The following EDA variants were observed in gnomAD, a reference collection of about 807,000 sequenced individuals.
EDA encodes the protein ectodysplasin-A.
EDA carries 2 observed loss-of-function variants against 23.6 expected under a neutral mutation model. The ratio of observed to expected loss-of-function variants is 0.08; its 90% CI spans 0.03 to 0.27. The LOEUF (loss-of-function observed/expected upper bound fraction) is 0.27. EDA is among the 10% of genes least tolerant of loss of function. EDA has a pLI of 1.00. For synonymous variants in EDA, 131 were observed against 132.0 expected (o/e 0.99, Z 0.05); for missense variants, 229 against 324.2 (o/e 0.71, Z 2.26).
chrX:69,941,938 A>G (rs1483458362), intron 1 of EDA, among the ~76,000 whole-genome samples: 1 of 110,597 alleles, frequency 9.0e-6, no homozygotes, highest in Admixed American at 9.7e-5. Flanking sequence ...TTTTTTGTGT[A>G]TCTGTTGTAC....
intron 1 of EDA, among the ~76,000 whole-genome samples, chrX:69,882,105 T>A (rs1458985593): frequency 3.6e-5 from 4 of 111,703 alleles, no homozygotes; most frequent in Admixed American, 1.9e-4. Context: ...TTGGGATTGA[T>A]GCAATTGTTT....
chrX:69,786,955 C>A (rs1389879809), intron 1 of EDA, among the ~76,000 whole-genome samples: 5 of 101,175 alleles, frequency 4.9e-5, no homozygotes, highest in Non-Finnish European at 1.0e-4. Context: ...TCAGGACTTG[C>A]TTTATGAATC....
rs2014232317 is a variant in EDA, at chrX:69,759,512, G to A, written c.396+142808G>A. Among the ~76,000 whole-genome samples the A allele has an allele frequency of 1.8e-5, 2 of 111,862 alleles. 1 individual carries two copies. Among genetic ancestry groups the A allele is most frequent in the South Asian group, 7.5e-4 (2 of 2,659 alleles). ...TGAAATGAAGTCACGTGACTCAGTG[G>A]ATAATTCCAGTGAAACCCAGGAAGA... is the stretch of plus-strand genomic sequence containing the variant. On this transcript the variant is annotated intron_variant, in intron 1 of 7. Coordinates refer to ENST00000374552, the MANE Select transcript of EDA (RefSeq NM_001399.5).
intron 1 of EDA, among the ~76,000 whole-genome samples, chrX:69,628,941 C>T (rs138416200): frequency 7.2e-5 from 8 of 111,102 alleles, no homozygotes; most frequent in Non-Finnish European, 1.5e-4. Context: ...TTACCTCACT[C>T]CTACAGTGGT....
At chrX:69,782,528 G>A (rs1275071729) in intron 1 of EDA, among the ~76,000 whole-genome samples, 5 of 111,566 alleles carry the variant, frequency 4.5e-5, no homozygotes, top group Non-Finnish European at 9.4e-5. Context: ...AGGCACATTA[G>A]TGCTGCTTTG....
chrX:69,649,467 T>C (rs1044300794), intron 1 of EDA, among the ~76,000 whole-genome samples: 12 of 112,302 alleles, frequency 1.1e-4, no homozygotes, highest in African/African-American at 3.9e-4. Flanking sequence ...AGGGCTATTA[T>C]TTCTTTACTT....
intron 2 of EDA, among the ~76,000 whole-genome samples, chrX:69,971,609 G>T (rs760337941): frequency 9.0e-6 from 1 of 111,716 alleles, no homozygotes; most frequent in Admixed American, 9.5e-5. Context: ...AGATCCAGCT[G>T]TAGGCTTCAT....
chrX:70,038,610 G>A lies in EDA; in HGVS notation c.*3001G>A, dbSNP rs1602627342. On this transcript the variant is annotated 3_prime_UTR_variant, in exon 8 of 8. Coordinates refer to ENST00000374552, the MANE Select transcript of EDA (RefSeq NM_001399.5). ...GAGGCTGCTCGGCTACTGGTTACCT[G>A]GAGAAGTAGTATTTGCCTATTTCCC... 1.8e-5 allele frequency: 2 copies of A among 111,525 alleles called. No individual in the cohort carries two copies. The highest frequency in any genetic ancestry group is 9.5e-5 in the Admixed American group (1 of 10,490). 9.2% of individuals were successfully genotyped at this position (111,525 alleles called of 1,213,427 possible).
intron 1 of EDA, among the ~76,000 whole-genome samples, chrX:69,657,394 A>G (rs768488754): frequency 1.1e-4 from 12 of 111,778 alleles, no homozygotes; most frequent in Non-Finnish European, 1.7e-4. Flanking sequence ...TGTTGGATGC[A>G]TATTTTGCAG....
At chrX:69,734,198 TTGTC>T (rs2013161238) in intron 1 of EDA, among the ~76,000 whole-genome samples, 1 of 111,633 alleles carries the variant, frequency 9.0e-6, no homozygotes, top group Non-Finnish European at 1.9e-5. Context: ...ATTTGTCCAT[TTGTC>T]TGAGTTGTCA....
chrX:69,952,813 A>G (rs374081142), intron 1 of EDA, among the ~76,000 whole-genome samples: 1 of 111,868 alleles, frequency 8.9e-6, no homozygotes, highest in African/African-American at 3.2e-5. Flanking sequence ...ATACAAGAGT[A>G]TCTTTTCCTA....
chrX:69,627,267 T>G (rs771426778), intron 1 of EDA, among the ~76,000 whole-genome samples: 1 of 111,548 alleles, frequency 9.0e-6, no homozygotes, highest in African/African-American at 3.3e-5. Flanking sequence ...TCGCTTTCCC[T>G]TTTTTCCTCT....
chrX:69,639,827 A>G lies in EDA; in HGVS notation c.396+23123A>G, dbSNP rs750791629. On this transcript the variant is annotated intron_variant, in intron 1 of 7. Coordinates refer to ENST00000374552, the MANE Select transcript of EDA (RefSeq NM_001399.5). ...TTTGGTATCATATCAAGAAATCTTG[A>G]AAAATCCAATTTCATGAAGTTTTTC... Among the ~76,000 whole-genome samples the G allele has an allele frequency of 1.4e-4, 16 of 112,001 alleles. No individual in the cohort carries two copies. The East Asian group carries it at 4.2e-3, about 29-fold the overall frequency.
chrX:69,731,733 T>G (rs975136091), intron 1 of EDA, among the ~76,000 whole-genome samples: 1 of 111,983 alleles, frequency 8.9e-6, no homozygotes, highest in Non-Finnish European at 1.9e-5. Context: ...TGAGCCACCT[T>G]TATTCTCTTT....
chrX:69,841,584 C>T (rs1362217988), intron 1 of EDA, among the ~76,000 whole-genome samples: 1 of 111,083 alleles, frequency 9.0e-6, no homozygotes, highest in Non-Finnish European at 1.9e-5. Flanking sequence ...CTCCTGAGCT[C>T]AAGCAATCCT....
intron 1 of EDA, among the ~76,000 whole-genome samples, chrX:69,846,628 A>AG (rs1491223125): frequency 1.8e-4 from 20 of 111,136 alleles, no homozygotes; most frequent in Non-Finnish European, 2.3e-4. Context: ...GTCACCAAAA[A>AG]GGGGGGGAAA....
chrX:69,801,653 T>G (rs1292534286), intron 1 of EDA, among the ~76,000 whole-genome samples: 1 of 112,031 alleles, frequency 8.9e-6, no homozygotes. Context: ...TATAAAGAAC[T>G]TCTCAAACCA....
chrX:70,018,994 A>C (rs1260537394), intron 2 of EDA, among the ~76,000 whole-genome samples: 2 of 112,206 alleles, frequency 1.8e-5, no homozygotes, highest in Non-Finnish European at 3.8e-5. Context: ...CAAATATACA[A>C]GCAAAAAAAC....
Position 70,038,537 on chromosome X carries a change from C to T in EDA, c.*2928C>T, listed in dbSNP as rs992160843. On this transcript the variant is annotated 3_prime_UTR_variant, in exon 8 of 8. Transcript: ENST00000374552. ...AGAATGGCATGGCAGGAGTCTCTGC[C>T]AGTTACTTGGGCTTCAACAGCCAAG... The T allele has an allele frequency of 1.8e-5, 2 of 110,705 alleles. No individual in the cohort carries two copies. The highest frequency in any genetic ancestry group is 3.8e-5 in the Non-Finnish European group (2 of 52,925). 9.1% of individuals were successfully genotyped at this position (110,705 alleles called of 1,213,427 possible).
Sources: gnomAD v4.1 joint callset for allele counts (sites outside exome capture counted in the v4.1 genomes callset) on GRCh38, gnomAD v4.1.1 for gene constraint, MANE v1.5 for transcripts, NCBI Gene and HGNC (gene_info 2026-07-23, HGNC 2026-07-21) for gene names.